PCDH15: variants seen among roughly 807,000 people sequenced by gnomAD.
PCDH15 encodes the protein protocadherin-15.
In PCDH15, 129 loss-of-function variants were observed where a neutral mutation model predicts 178.5. The observed-to-expected ratio is 0.72, with a 90% CI of 0.63 to 0.84. The LOEUF (loss-of-function observed/expected upper bound fraction) is 0.84. Ranked by LOEUF, PCDH15 falls within the 40% of genes least tolerant of loss-of-function variation. PCDH15 has a pLI of 0.00. For synonymous variants in PCDH15, 800 were observed against 732.0 expected, an observed-to-expected ratio of 1.09 and a Z score of -1.50; for missense variants, 2,230 against 2,099.9, an observed-to-expected ratio of 1.06 and a Z score of -1.21.
At chr10:54,354,337 G>C (rs1239579164) in intron 5 of PCDH15, among the ~76,000 whole-genome samples, 1 of 152,162 alleles carries the variant, frequency 6.6e-6, no homozygotes, top group Non-Finnish European at 1.5e-5. Context: ...TTGTAAAACA[G>C]CTAAAAAATT....
At chr10:54,604,384 C>G (rs933630959) in intron 2 of PCDH15, among the ~76,000 whole-genome samples, 1 of 151,860 alleles carries the variant, frequency 6.6e-6, no homozygotes, top group Non-Finnish European at 1.5e-5. Context: ...TTAAAATCTT[C>G]TAGTATTATT....
intron 15 of PCDH15, among the ~76,000 whole-genome samples, chr10:54,107,563 G>T (rs1176778251): frequency 6.6e-6 from 1 of 152,188 alleles, no homozygotes; most frequent in South Asian, 2.1e-4. Context: ...ATGTTTGGAA[G>T]ATGAAATGTT....
At position 55,252,219 on chromosome 10, in the gene PCDH15, C is replaced by T. The variant is rs1474135016; in HGVS notation, c.-156+67380G>A. ...CCTTTTACAGAGTTATAAGCAAAAT[C>T]CCCAAAACATTCAGATCCTGACAGA... On this transcript the variant is annotated intron_variant, in intron 1 of 5. Transcript: ENST00000458638. Among the ~76,000 whole-genome samples the T allele has an allele frequency of 4.6e-5, 7 of 152,180 alleles. No individual in the cohort carries two copies. In the South Asian group the frequency reaches 1.0e-3, roughly 23 times the overall value.
At chr10:53,830,207 C>T (rs1311359530) in intron 30 of PCDH15, among the ~76,000 whole-genome samples, 4 of 151,436 alleles carry the variant, frequency 2.6e-5, no homozygotes, top group African/African-American at 9.7e-5. Flanking sequence ...GAGGCTGACA[C>T]AGGAGAACAG....
chr10:53,927,010 A>C, intron 25 of PCDH15, among the ~76,000 whole-genome samples: 1 of 152,192 alleles, frequency 6.6e-6, no homozygotes, highest in East Asian at 1.9e-4. Flanking sequence ...CACAAAAATA[A>C]TGTTTCAGGG....
intron 2 of PCDH15, among the ~76,000 whole-genome samples, chr10:55,017,234 A>G (rs565270796): frequency 6.6e-6 from 1 of 152,266 alleles, no homozygotes; most frequent in East Asian, 1.9e-4. Context: ...ACCTCCATTC[A>G]GCACAATGCA....
At chr10:55,104,884 C>T (rs1439418377) in intron 2 of PCDH15, among the ~76,000 whole-genome samples, 1 of 152,260 alleles carries the variant, frequency 6.6e-6, no homozygotes, top group African/African-American at 2.4e-5. Context: ...TCACATTTTA[C>T]TGTGATATCC....
chr10:55,484,501 CT>C (rs1840256144), intron 2 of PCDH15, among the ~76,000 whole-genome samples: 3 of 151,464 alleles, frequency 2.0e-5, no homozygotes, highest in Non-Finnish European at 4.4e-5. Context: ...AATGCTATCC[CT>C]AACAAAATAC....
intron 2 of PCDH15, among the ~76,000 whole-genome samples, chr10:55,470,269 C>A (rs892334913): frequency 6.6e-6 from 1 of 151,718 alleles, no homozygotes; most frequent in Admixed American, 6.6e-5. Flanking sequence ...TCTCGTGAAC[C>A]CAGGAGGCAG....
At chr10:55,529,443 A>G (rs1435574003) in intron 2 of PCDH15, among the ~76,000 whole-genome samples, 1 of 151,834 alleles carries the variant, frequency 6.6e-6, no homozygotes, top group Non-Finnish European at 1.5e-5. Flanking sequence ...CTTGAATTCC[A>G]GTTCTCAATA....
At chr10:54,583,796 T>G (rs902931135) in intron 2 of PCDH15, among the ~76,000 whole-genome samples, 8 of 152,088 alleles carry the variant, frequency 5.3e-5, no homozygotes, top group East Asian at 1.9e-4. Context: ...CTAAAGCATA[T>G]TCAACACCTA....
intron 22 of PCDH15, among the ~76,000 whole-genome samples, chr10:53,961,318 A>G (rs1564867803): frequency 6.6e-6 from 1 of 152,116 alleles, no homozygotes; most frequent in Non-Finnish European, 1.5e-5. Context: ...AAAAAATGGA[A>G]AGTCTAATTA....
intron 3 of PCDH15, among the ~76,000 whole-genome samples, chr10:54,883,408 G>A (rs1343427486): frequency 6.6e-6 from 1 of 151,830 alleles, no homozygotes; most frequent in Non-Finnish European, 1.5e-5. Flanking sequence ...GATTATTCTG[G>A]ATGCATATTC....
At chr10:55,438,647 T>A (rs1363777056) in intron 2 of PCDH15, among the ~76,000 whole-genome samples, 2 of 150,576 alleles carry the variant, frequency 1.3e-5, no homozygotes, top group Admixed American at 6.6e-5. Flanking sequence ...ATAGAAACAA[T>A]TAAGAATGAG....
chr10:55,080,862 C>A (rs1842023850), intron 2 of PCDH15, among the ~76,000 whole-genome samples: 1 of 152,100 alleles, frequency 6.6e-6, no homozygotes, highest in Non-Finnish European at 1.5e-5. Flanking sequence ...TGCTCCCAGC[C>A]CCAGACAGTC....
chr10:54,152,925 C>A (rs2044685432), intron 14 of PCDH15, among the ~76,000 whole-genome samples, 175 bp downstream of exon 14: 2 of 151,940 alleles, frequency 1.3e-5, no homozygotes, highest in Admixed American at 1.3e-4. Flanking sequence ...TGTCCTCTTC[C>A]CAAAATTTAA....
At chr10:55,442,408 G>T (rs1839208789) in intron 2 of PCDH15, among the ~76,000 whole-genome samples, 1 of 138,318 alleles carries the variant, frequency 7.2e-6, no homozygotes, top group African/African-American at 2.7e-5. Context: ...TTTATTTCTG[G>T]TTTTCACAAA....
chr10:53,895,928 T>G (rs2926390), intron 26 of PCDH15, among the ~76,000 whole-genome samples: 14,460 of 152,154 alleles, frequency 0.095, 1,988 homozygotes, highest in African/African-American at 0.3. Flanking sequence ...GAAAAGTTCT[T>G]GAACTGAGGT....
At chr10:55,495,649 T>C (rs967490270) in intron 2 of PCDH15, among the ~76,000 whole-genome samples, 1 of 151,794 alleles carries the variant, frequency 6.6e-6, no homozygotes, top group South Asian at 2.1e-4. Context: ...GGTGGGAATG[T>C]AAAAGATTAC....
Sources: gnomAD v4.1 joint callset for allele counts (sites outside exome capture counted in the v4.1 genomes callset) on GRCh38, gnomAD v4.1.1 for gene constraint, MANE v1.5 for transcripts, NCBI Gene and HGNC (gene_info 2026-07-23, HGNC 2026-07-21) for gene names.